Variants in SLC22A25 observed in about 807,000 individuals in gnomAD.
SLC22A25 encodes the protein MGI:2442751, MGI:2385316, MGI:3042283, MGI:3645714, MGI:3605624, MGI:2442750.
Under a neutral mutation model 45.9 loss-of-function variants are expected in SLC22A25, and 44 were observed. That is an observed-to-expected ratio of 0.96 (90% CI 0.75 to 1.23). SLC22A25 has a LOEUF of 1.23. Among genes scored for constraint, SLC22A25 ranks in the 50% most tolerant of loss-of-function variants. The probability of loss-of-function intolerance (pLI) is 0.00; values close to 1 mark genes in which losing one functional copy is unlikely to be tolerated. For synonymous variants in SLC22A25, 283 were observed against 238.6 expected (o/e 1.19, Z -1.72); for missense variants, 800 against 666.4 (o/e 1.20, Z -2.21).
chr11:63,236,837 T>C (rs2090173113), intron 3 of SLC22A25, among the ~76,000 whole-genome samples: 1 of 152,182 alleles, frequency 6.6e-6, no homozygotes, highest in Non-Finnish European at 1.5e-5. Context: ...TGCATCTCTG[T>C]TTCTTCACAC....
At chr11:63,212,774 T>C (rs1235879599) in intron 7 of SLC22A25, among the ~76,000 whole-genome samples, 4 of 151,202 alleles carry the variant, frequency 2.6e-5, no homozygotes, top group Admixed American at 2.0e-4. Context: ...TCACGTTGTG[T>C]ACATGTACCC....
In SLC22A25 at chr11:63,238,972, C is replaced by T; in HGVS notation, c.-832G>A. On this transcript the variant is annotated 5_prime_UTR_variant, in exon 2 of 12. Coordinates refer to ENST00000306494, the MANE Select transcript of SLC22A25 (RefSeq NM_199352.6). ...GACATTGTCTATGATGTGCACCTAGCAGTGGTGACCAGGATGAATGCAGTG... is the reference window on the plus strand; with the variant it reads ...GACATTGTCTATGATGTGCACCTAGTAGTGGTGACCAGGATGAATGCAGTG... 5.7e-6 allele frequency: 1 copy of T among 174,274 alleles called. No homozygotes were observed. The highest frequency in any genetic ancestry group is 1.3e-5 in the Non-Finnish European group (1 of 78,444). The allele number at this position is 174,274 out of a possible 1,614,324, so 10.8% of individuals were successfully genotyped here.
Position 63,240,955 on chromosome 11 carries a change from C to T in SLC22A25, c.-995-1820G>A, listed in dbSNP as rs375295822. On this transcript the variant is annotated intron_variant, in intron 1 of 11. Coordinates refer to ENST00000306494, the MANE Select transcript of SLC22A25 (RefSeq NM_199352.6). ...GCACAAATCTAGTCAATTCTACTAA[C>T]TTACACAATGAGACCATAAAAAAAA... is the stretch of plus-strand genomic sequence containing the variant. Among the ~76,000 whole-genome samples the T allele has an allele frequency of 2.3e-4, 35 of 152,296 alleles. No homozygotes were observed. The South Asian group carries it at 3.3e-3, about 14-fold the overall frequency.
intron 7 of SLC22A25, among the ~76,000 whole-genome samples, chr11:63,185,797 G>T (rs967838474): frequency 6.9e-6 from 1 of 143,900 alleles, no homozygotes; most frequent in Admixed American, 7.3e-5. Context: ...TGCGGTGTTT[G>T]GTTTTTTGTT....
Position 63,228,513 on chromosome 11 carries a change from A to G in SLC22A25, c.454T>C (p.Phe152Leu), listed in dbSNP as rs567193518. 36 of 1,613,916 alleles carry G rather than the reference A, an allele frequency of 2.2e-5. No individual in the cohort carries two copies. In the South Asian group the frequency reaches 3.6e-4, roughly 16 times the overall value. The change falls in exon 5 of 12, where the codon TTC becomes CTC. Residue 152 changes from phenylalanine to leucine, a missense_variant. Coordinates refer to ENST00000306494, the MANE Select transcript of SLC22A25 (RefSeq NM_199352.6). ...CCTCCCACCATCATTCCAGCCATGA[A>G]TAGAAATTTAGCTACTGAATTCAGT... is the stretch of plus-strand genomic sequence containing the variant. The part of the protein sequence containing the change: ...QPLNSVAKFL[F>L]MAGMMVGGNL...
Position 63,163,475 on chromosome 11 carries a change from A to T in SLC22A25, c.*349T>A, listed in dbSNP as rs1050003695. On this transcript the variant is annotated 3_prime_UTR_variant, in exon 12 of 12. Transcript: ENST00000306494. The stretch of plus-strand genomic sequence containing the variant: ...CAGGCCTGTAAGCACTGGCAATCCC[A>T]GACAGCTAACAGGTACACTCACTGG... Among the ~76,000 whole-genome samples the T allele has an allele frequency of 1.4e-4, 21 of 152,326 alleles. No homozygotes were observed. Among genetic ancestry groups the T allele is most frequent in the African/African-American group, 5.1e-4 (21 of 41,580 alleles).
chr11:63,165,306 T>C (rs2087642202), intron 10 of SLC22A25, among the ~76,000 whole-genome samples: 1 of 152,074 alleles, frequency 6.6e-6, no homozygotes, highest in South Asian at 2.1e-4. Context: ...CAGACTGGTA[T>C]CACTGCTGAC....
chr11:63,182,552 C>T (rs1054579255), intron 8 of SLC22A25, among the ~76,000 whole-genome samples: 41 of 151,900 alleles, frequency 2.7e-4, no homozygotes, highest in African/African-American at 9.4e-4. Context: ...TCAGTTCCAT[C>T]TGAATTTCAA....
In SLC22A25 at chr11:63,180,600, T is replaced by C; in HGVS notation, c.1070+60A>G. The stretch of plus-strand genomic sequence containing the variant: ...CTTCAACATGTTGTATCATTTGAAA[T>C]AAGAAATGGATTTATGTCTCCTCTA... On this transcript the variant is annotated intron_variant, in intron 9 of 11. Coordinates refer to ENST00000306494, the MANE Select transcript of SLC22A25 (RefSeq NM_199352.6). 6 of 1,190,326 alleles carry C rather than the reference T, an allele frequency of 5.0e-6. No individual in the cohort carries two copies. In the South Asian group the frequency reaches 7.8e-5, roughly 16 times the overall value. The allele number at this position is 1,190,326 out of a possible 1,614,324, so 73.7% of individuals were successfully genotyped here.
chr11:63,195,138 C>G (rs973766106), intron 7 of SLC22A25, among the ~76,000 whole-genome samples: 1 of 151,970 alleles, frequency 6.6e-6, no homozygotes, highest in Non-Finnish European at 1.5e-5. Flanking sequence ...CACTTAGACT[C>G]CCACACAATA....
intron 3 of SLC22A25, among the ~76,000 whole-genome samples, chr11:63,231,630 G>A (rs2090071125): frequency 6.6e-6 from 1 of 152,122 alleles, no homozygotes; most frequent in African/African-American, 2.4e-5. Context: ...TTCTTTTGCT[G>A]TGCACAAGCT....
intron 5 of SLC22A25, among the ~76,000 whole-genome samples, chr11:63,219,408 G>A (rs4083171): frequency 0.04 from 6,016 of 152,188 alleles, 409 homozygotes; most frequent in African/African-American, 0.14. Flanking sequence ...AAGTGGTATC[G>A]TGTGCAATCA....
chr11:63,171,827 T>C (rs113527195), intron 9 of SLC22A25, among the ~76,000 whole-genome samples: 1 of 152,042 alleles, frequency 6.6e-6, no homozygotes, highest in Non-Finnish European at 1.5e-5. Flanking sequence ...ACATGGATTT[T>C]AAAAAAGCTT....
chr11:63,217,698 G>A lies in SLC22A25; in HGVS notation c.544C>T (p.Gln182Ter). ...GCACAGGTGCCTACAATGGCGAGCT[G>A]GAGGTAAGACCATCTGAGCACGAAC... is the stretch of plus-strand genomic sequence containing the variant. The part of the protein sequence containing the change: ...RKFVLRWSYL[Q>*]LAIVGTCAAF... Residue 182 changes from glutamine (Q) to a stop codon, truncating the protein, a stop_gained, in exon 6 of 12, where the codon CAG becomes TAG. Transcript: ENST00000306494. LOFTEE classifies it high-confidence loss of function. 6.2e-7 allele frequency: 1 copy of A among 1,613,828 alleles called. No individual in the cohort carries two copies. The highest frequency in any genetic ancestry group is 8.5e-7 in the Non-Finnish European group (1 of 1,179,936).
At position 63,207,027 on chromosome 11, in the gene SLC22A25, G is replaced by A. The variant is rs568766384; in HGVS notation, c.830+10287C>T. On this transcript the variant is annotated intron_variant, in intron 7 of 11. Transcript: ENST00000306494. Reference sequence around the variant, plus strand: ...ATAAACCTGACAAAAACAAGCAATGGGGAAGGGATTCCCTATTTAATAAAT... The same window carrying A: ...ATAAACCTGACAAAAACAAGCAATGAGGAAGGGATTCCCTATTTAATAAAT... 1.1e-3 allele frequency among the ~76,000 whole-genome samples: 163 copies of A among 152,278 alleles called. 1 individual carries two copies. Among genetic ancestry groups the A allele is most frequent in the South Asian group, 4.2e-4 (2 of 4,818 alleles).
intron 7 of SLC22A25, among the ~76,000 whole-genome samples, chr11:63,208,473 G>C (rs2089468252): frequency 6.6e-6 from 1 of 152,204 alleles, no homozygotes; most frequent in Non-Finnish European, 1.5e-5. Flanking sequence ...CTGGAGACAG[G>C]AACTGGGAGT....
At chr11:63,230,794 T>TC (rs1478001105) in intron 3 of SLC22A25, among the ~76,000 whole-genome samples, 1 of 152,112 alleles carries the variant, frequency 6.6e-6, no homozygotes, top group African/African-American at 2.4e-5. Flanking sequence ...ATGCTATCCC[T>TC]CCCCCATCCC....
At chr11:63,180,844 T>A in intron 8 of SLC22A25, 69 bp from the exon 9 acceptor site, 1 of 1,090,910 alleles carries the variant, frequency 9.2e-7, no homozygotes, top group Non-Finnish European at 1.4e-6. Flanking sequence ...AGAGGACTTG[T>A]CAACCAACAG....
chr11:63,180,500 C>T (rs2088278967), intron 9 of SLC22A25, among the ~76,000 whole-genome samples, 160 bp downstream of exon 9: 1 of 152,140 alleles, frequency 6.6e-6, no homozygotes, highest in South Asian at 2.1e-4. Context: ...TCAGCCTTTT[C>T]ATAACCCTTT....
Sources: gnomAD v4.1 joint callset for allele counts (sites outside exome capture counted in the v4.1 genomes callset) on GRCh38, gnomAD v4.1.1 for gene constraint, MANE v1.5 for transcripts, NCBI Gene and HGNC (gene_info 2026-07-23, HGNC 2026-07-21) for gene names.